The following KIF17 variants were observed in gnomAD, a reference collection of about 807,000 sequenced individuals.
KIF17 encodes the protein kinesin family member 17, also known as kinesin-like protein KIF17.
KIF17 carries 80 observed loss-of-function variants against 96.8 expected under a neutral mutation model. That is an observed-to-expected ratio of 0.83 (90% CI 0.69 to 1.00). The LOEUF is 1.00. KIF17 is among the 50% of genes least tolerant of loss of function. KIF17 has a pLI of 0.00. For missense variants in KIF17, 1,280 were observed against 1,372.9 expected, an observed-to-expected ratio of 0.93 and a Z score of 1.07; for synonymous variants, 567 against 587.5, an observed-to-expected ratio of 0.97 and a Z score of 0.51.
chr1:20,691,536 C>T (rs2154536374), intron 6 of KIF17, among the ~76,000 whole-genome samples: 2 of 151,780 alleles, frequency 1.3e-5, no homozygotes, highest in East Asian at 3.9e-4. Context: ...TCACTGCAAC[C>T]TCCAACTCCC....
chr1:20,682,977 C>A, intron 10 of KIF17, 93 bp from the exon 11 acceptor site: 1 of 1,075,160 alleles, frequency 9.3e-7, no homozygotes, highest in South Asian at 1.4e-5. Flanking sequence ...GTGGGCCCCC[C>A]AGATCCTTCC....
Position 20,717,671 on chromosome 1 carries a change from G to T in KIF17, c.36C>A (p.Cys12Ter). 6.2e-7 allele frequency: 1 copy of T among 1,601,358 alleles called. No individual in the cohort carries two copies. The highest frequency in any genetic ancestry group is 1.3e-5 in the African/African-American group (1 of 74,924). ...CTCGCTCCCGCTGGTTCATGGGACG[G>T]CAGCGCACGACAACCTTCACCGCCT... ...ASEAVKVVVR[C>*]RPMNQREREL... The change falls in exon 1 of 15, where the codon TGC (cysteine) becomes TGA (stop). Residue 12 changes from cysteine to a stop codon, truncating the protein, a stop_gained. Coordinates refer to ENST00000400463, the MANE Select transcript of KIF17 (RefSeq NM_001122819.3). LOFTEE classifies it high-confidence loss of function.
chr1:20,691,793 G>C (rs568338568), intron 6 of KIF17, among the ~76,000 whole-genome samples: 1 of 152,010 alleles, frequency 6.6e-6, no homozygotes, highest in Admixed American at 6.6e-5. Flanking sequence ...TTTAACAGAC[G>C]AATAATATAT....
At position 20,713,504 on chromosome 1, in the gene KIF17, T is replaced by C; in HGVS notation, c.430A>G (p.Asn144Asp). ...CCAAGGAGGTCCCGGACATCTTCAT[T>C]GTAGATCTCCAGGTAGGAGGCCCGG... ...LVRASYLEIY[N>D]EDVRDLLGAD... The change falls in exon 3 of 15, where the codon AAT becomes GAT. Residue 144 changes from asparagine to aspartate, a missense_variant. Physicochemically the swap from Asn to Asp is conservative, Grantham distance 23. Transcript: ENST00000400463. 1 of 1,613,430 alleles carries C rather than the reference T, an allele frequency of 6.2e-7. No homozygotes were observed. The highest frequency in any genetic ancestry group is 8.5e-7 in the Non-Finnish European group (1 of 1,179,902).
intron 6 of KIF17, 32 bp downstream of exon 6, chr1:20,698,347 C>T: frequency 6.6e-7 from 1 of 1,526,400 alleles, no homozygotes; most frequent in East Asian, 2.2e-5. Flanking sequence ...CTGCCTGTCC[C>T]TTCTCCATGT....
chr1:20,666,372 G>C, intron 13 of KIF17, 41 bp from the exon 14 acceptor site: 1 of 1,503,512 alleles, frequency 6.7e-7, no homozygotes, highest in Non-Finnish European at 9.3e-7. Flanking sequence ...CCCCTTGTTT[G>C]TGCCCCTGGC....
At chr1:20,677,804 C>T (rs1309858559) in intron 11 of KIF17, among the ~76,000 whole-genome samples, 1 of 152,146 alleles carries the variant, frequency 6.6e-6, no homozygotes, top group East Asian at 1.9e-4. Context: ...TGCAGTGAGC[C>T]GAGCTCAGGC....
Position 20,709,564 on chromosome 1 carries a change from G to C in KIF17, c.670+75C>G, listed in dbSNP as rs539175293. ...ACTTTCCAGGGGCTCCTGCGGCCCC[G>C]AGAGGTGGCGTGCCTTGGCTAGTGG... On this transcript the variant is annotated intron_variant, in intron 4 of 14. Coordinates refer to ENST00000400463, the MANE Select transcript of KIF17 (RefSeq NM_001122819.3). The surrounding 1 kb of genome is among the most constrained non-coding windows in gnomAD (Gnocchi z 4.7). The C allele has an allele frequency of 1.8e-4, 282 of 1,547,988 alleles. 1 individual carries two copies. In the South Asian group the frequency reaches 2.8e-3, roughly 15 times the overall value.
chr1:20,716,417 C>T (rs926326995), intron 1 of KIF17, among the ~76,000 whole-genome samples: 1 of 152,204 alleles, frequency 6.6e-6, no homozygotes, highest in African/African-American at 2.4e-5. Context: ...AGGTGATTCT[C>T]GTGGCGGGCT....
At chr1:20,695,306 G>A (rs1362228089) in intron 6 of KIF17, among the ~76,000 whole-genome samples, 2 of 152,168 alleles carry the variant, frequency 1.3e-5, no homozygotes, top group Non-Finnish European at 2.9e-5. Context: ...TCCTGCCTCA[G>A]TCGCCCAAGT....
rs1302873425 is a variant in KIF17, at chr1:20,712,609, TA to T, written c.480+844del. 1.5e-3 allele frequency among the ~76,000 whole-genome samples: 33 copies of T among 22,742 alleles called. 4 individuals carry two copies. Among genetic ancestry groups the T allele is most frequent in the African/African-American group, 2.3e-3 (21 of 9,146 alleles). 14.9% of individuals were successfully genotyped at this position (22,742 alleles called of 152,430 possible). ...ATATATATATCTATATATATCTATA[TA>T]TATATAATATAGATAATATCTATAT... On this transcript the variant is annotated intron_variant, in intron 3 of 14. Transcript: ENST00000400463.
At chr1:20,691,898 A>C (rs1375475377) in intron 6 of KIF17, among the ~76,000 whole-genome samples, 1 of 152,200 alleles carries the variant, frequency 6.6e-6, no homozygotes, top group African/African-American at 2.4e-5. Context: ...TCCTCAACCC[A>C]TCAATGACAA....
intron 11 of KIF17, among the ~76,000 whole-genome samples, chr1:20,678,672 G>C (rs1166935550): frequency 1.3e-5 from 2 of 152,190 alleles, no homozygotes; most frequent in Non-Finnish European, 2.9e-5. Context: ...GGTAAGCAGA[G>C]AGCATCCAGG....
In KIF17 at chr1:20,717,769, G is replaced by A. The variant is rs1285511390; in HGVS notation, c.-63C>T. On this transcript the variant is annotated 5_prime_UTR_variant, in exon 1 of 15. Coordinates refer to ENST00000400463, the MANE Select transcript of KIF17 (RefSeq NM_001122819.3). ...CCCGCCCCGCCGGGGACTCCCAGCA[G>A]CCCGGGCCAAGGGGCGGGGCCAGCG... 6.1e-6 allele frequency: 9 copies of A among 1,471,554 alleles called. No individual in the cohort carries two copies. The Admixed American group carries it at 9.5e-5, about 16-fold the overall frequency. 91.2% of individuals were successfully genotyped at this position (1,471,554 alleles called of 1,614,324 possible).
intron 6 of KIF17, 23 bp from the exon 7 acceptor site, chr1:20,690,358 A>G: frequency 6.3e-7 from 1 of 1,582,536 alleles, no homozygotes; most frequent in Non-Finnish European, 8.6e-7. Context: ...GAGGGACCAG[A>G]GGGCAGGCAG....
At chr1:20,666,041 G>T (rs1161180254) in intron 14 of KIF17, among the ~76,000 whole-genome samples, 173 bp downstream of exon 14, 3 of 152,164 alleles carry the variant, frequency 2.0e-5, no homozygotes, top group African/African-American at 7.2e-5. Context: ...TCCTCACCTC[G>T]TATCACCTAA....
chr1:20,678,974 T>A (rs1353181776), intron 11 of KIF17, among the ~76,000 whole-genome samples: 2 of 136,602 alleles, frequency 1.5e-5, no homozygotes, highest in Non-Finnish European at 3.1e-5. Context: ...CCTGTTTTTG[T>A]GCCTGTGAAT....
chr1:20,702,573 C>G (rs1175542650), intron 5 of KIF17, among the ~76,000 whole-genome samples: 1 of 152,154 alleles, frequency 6.6e-6, no homozygotes, highest in Non-Finnish European at 1.5e-5. Context: ...CTCTCCACCC[C>G]AGTCCTGCCT....
chr1:20,698,859 G>A (rs956680979), intron 5 of KIF17, among the ~76,000 whole-genome samples: 1 of 152,182 alleles, frequency 6.6e-6, no homozygotes, highest in Non-Finnish European at 1.5e-5. Context: ...AGCAAAATGG[G>A]TAACACGTTA....
Sources: gnomAD v4.1 joint callset for allele counts (sites outside exome capture counted in the v4.1 genomes callset) on GRCh38, gnomAD v4.1.1 for gene constraint, Gnocchi (gnomAD v3.1) non-coding constraint, MANE v1.5 for transcripts, NCBI Gene and HGNC (gene_info 2026-07-23, HGNC 2026-07-21) for gene names.